Variants in ADAP2 observed in about 807,000 individuals in gnomAD.
ADAP2 encodes arf-GAP with dual PH domain-containing protein 2.
A neutral mutation model predicts 54.9 loss-of-function variants in ADAP2; 42 were observed. The ratio of observed to expected loss-of-function variants is 0.77; its 90% CI spans 0.60 to 0.99. The LOEUF is 0.99. Among genes scored for constraint, ADAP2 ranks in the 50% least tolerant of loss-of-function variants. The probability of loss-of-function intolerance (pLI) is 0.00; values close to 1 mark genes in which losing one functional copy is unlikely to be tolerated. For missense variants in ADAP2, 429 were observed against 480.4 expected (o/e 0.89, Z 1.00); for synonymous variants, 177 against 180.1 (o/e 0.98, Z 0.14).
intron 3 of ADAP2, among the ~76,000 whole-genome samples, chr17:30,931,272 TA>T (rs1815523632): frequency 6.6e-6 from 1 of 151,872 alleles, no homozygotes; most frequent in African/African-American, 2.4e-5. Context: ...CTGGGAGAAA[TA>T]TTTCCCCCAG....
In ADAP2 at chr17:30,957,844, C is replaced by T. The variant is rs1376619252; in HGVS notation, c.1121C>T (p.Thr374Ile). ...LTPLNRLTAS[T>I]ESGRSSR ...TTCATTTCCCTTGCAGCTGCATCAA[C>T]AGAGAGTGGCCGCAGCAGCAGGTGA... Residue 374 changes from threonine to isoleucine, a missense_variant, in exon 11 of 11, where the codon ACA becomes ATA. By Grantham distance (89) the Thr-to-Ile change is moderately conservative. Transcript: ENST00000330889. 6.8e-6 allele frequency: 11 copies of T among 1,613,606 alleles called. No individual in the cohort carries two copies. Among genetic ancestry groups the T allele is most frequent in the East Asian group, 2.2e-5 (1 of 44,886 alleles).
intron 7 of ADAP2, among the ~76,000 whole-genome samples, chr17:30,952,203 G>A (rs2142586555): frequency 6.6e-6 from 1 of 152,284 alleles, no homozygotes; most frequent in Non-Finnish European, 1.5e-5. Context: ...GGATGCTGGG[G>A]ATCACATGAT....
Position 30,958,609 on chromosome 17 carries a change from C to T in ADAP2, c.*740C>T, listed in dbSNP as rs1388372505. ...TCTCTTAAGAGACTCTCTGATTCTCCGTGGCTGGGTGTGATGGCTCATGCC... is the reference window on the plus strand; with the variant it reads ...TCTCTTAAGAGACTCTCTGATTCTCTGTGGCTGGGTGTGATGGCTCATGCC... On this transcript the variant is annotated 3_prime_UTR_variant, in exon 11 of 11. Coordinates refer to ENST00000330889, the MANE Select transcript of ADAP2 (RefSeq NM_018404.3). 2.0e-5 allele frequency: 3 copies of T among 152,154 alleles called. No individual in the cohort carries two copies. The highest frequency in any genetic ancestry group is 4.8e-5 in the African/African-American group (2 of 41,428). The allele number at this position is 152,154 out of a possible 1,614,324, so 9.4% of individuals were successfully genotyped here.
chr17:30,935,968 A>G (rs531697716), intron 5 of ADAP2, among the ~76,000 whole-genome samples: 2 of 152,288 alleles, frequency 1.3e-5, no homozygotes, highest in Non-Finnish European at 2.9e-5. Flanking sequence ...TATGCAGTCA[A>G]TTGGCTTTTA....
At chr17:30,923,156 G>GA in intron 2 of ADAP2, 86 bp downstream of exon 2, 9 of 1,499,176 alleles carry the variant, frequency 6.0e-6, no homozygotes, top group Non-Finnish European at 8.3e-6. Flanking sequence ...TACAGAGGGG[G>GA]AAACTGAGAA....
intron 7 of ADAP2, among the ~76,000 whole-genome samples, chr17:30,949,766 A>G (rs796784305): frequency 6.6e-6 from 1 of 151,410 alleles, no homozygotes; most frequent in African/African-American, 2.4e-5. Context: ...AAAAAAAAAA[A>G]AAAGAAGAAG....
intron 2 of ADAP2, among the ~76,000 whole-genome samples, chr17:30,925,065 C>T (rs536222148): frequency 2.2e-4 from 34 of 151,622 alleles, no homozygotes; most frequent in African/African-American, 8.2e-4. Context: ...AGAATTTTTA[C>T]TAGAGACAGG....
At chr17:30,955,936 G>A (rs1334217125) in intron 9 of ADAP2, among the ~76,000 whole-genome samples, 2 of 151,942 alleles carry the variant, frequency 1.3e-5, no homozygotes, top group Admixed American at 1.3e-4. Context: ...TTGTAGAGAA[G>A]GGGTCTCACT....
intron 5 of ADAP2, among the ~76,000 whole-genome samples, chr17:30,939,207 G>A (rs1338068120): frequency 6.6e-6 from 1 of 152,130 alleles, no homozygotes; most frequent in Non-Finnish European, 1.5e-5. Context: ...CAGCTGCTGC[G>A]AGTTGGTCTC....
In ADAP2 at chr17:30,922,124, C is replaced by T. The variant is rs918362180; in HGVS notation, c.94+16C>T. 1.6e-6 allele frequency: 2 copies of T among 1,231,268 alleles called. No individual in the cohort carries two copies. Among genetic ancestry groups the T allele is most frequent in the African/African-American group, 1.6e-5 (1 of 63,912 alleles). 76.3% of individuals were successfully genotyped at this position (1,231,268 alleles called of 1,614,324 possible). A position where few individuals can be genotyped will look rare whatever the true frequency, so the allele number is the denominator to read the frequency against. On this transcript the variant is annotated intron_variant, in intron 1 of 10. Transcript: ENST00000330889. ...GGGGCGGCAGGTAAGGGCGCGGCGG[C>T]GCGGGCAGCGCGAGACCCCCGGCCG...
At chr17:30,943,295 G>A (rs757158306) in intron 5 of ADAP2, among the ~76,000 whole-genome samples, 4 of 151,888 alleles carry the variant, frequency 2.6e-5, no homozygotes, top group African/African-American at 4.8e-5. Flanking sequence ...AACCCAGGAG[G>A]TGGAGGTTGC....
At chr17:30,952,189 G>C (rs559477470) in intron 7 of ADAP2, among the ~76,000 whole-genome samples, 4 of 152,158 alleles carry the variant, frequency 2.6e-5, no homozygotes, top group Non-Finnish European at 5.9e-5. Context: ...TGCCAGGCTG[G>C]AAGGGATGCT....
At chr17:30,926,544 T>C (rs1163797005) in intron 2 of ADAP2, among the ~76,000 whole-genome samples, 1 of 152,192 alleles carries the variant, frequency 6.6e-6, no homozygotes, top group African/African-American at 2.4e-5. Context: ...TGAGCCTCAG[T>C]TGACTCATCT....
intron 5 of ADAP2, among the ~76,000 whole-genome samples, chr17:30,939,771 C>CAA (rs1334968924): frequency 8.9e-5 from 5 of 55,908 alleles, no homozygotes; most frequent in Admixed American, 1.9e-4. Flanking sequence ...ATTCCATTTC[C>CAA]AAAAAAAAAA....
At chr17:30,935,495 C>A (rs777332211) in intron 5 of ADAP2, among the ~76,000 whole-genome samples, 2 of 152,102 alleles carry the variant, frequency 1.3e-5, no homozygotes, top group Non-Finnish European at 2.9e-5. Context: ...GAGCAGATAA[C>A]TGAACAAATG....
At chr17:30,956,784 C>A in intron 10 of ADAP2, 1 of 389,800 alleles carries the variant, frequency 2.6e-6, no homozygotes, top group Non-Finnish European at 4.8e-6. Context: ...TTCCCTCCAC[C>A]GTGCTCTATG....
intron 5 of ADAP2, 30 bp downstream of exon 5, chr17:30,934,327 C>T: frequency 6.7e-7 from 1 of 1,483,188 alleles, no homozygotes; most frequent in Non-Finnish European, 9.4e-7. Context: ...AGAGCAGGTC[C>T]CTTCCTGAGC....
chr17:30,956,342 C>A lies in ADAP2; in HGVS notation c.984C>A (p.Ala328=). The change falls in exon 10 of 11, where the codon GCC becomes GCA. Residue 328 remains alanine (A), a synonymous_variant. Coordinates refer to ENST00000330889, the MANE Select transcript of ADAP2 (RefSeq NM_018404.3). ...GCATCCGAGGAAATCGCTGGAAAGCCGGACTCACCATTGTCACCCCAGAGC... is the reference window on the plus strand; with the variant it reads ...GCATCCGAGGAAATCGCTGGAAAGCAGGACTCACCATTGTCACCCCAGAGC... ...PKGIRGNRWK[A]GLTIVTPERR... is the part of the protein sequence containing the mutation. 6.2e-7 allele frequency: 1 copy of A among 1,614,220 alleles called. No homozygotes were observed. Among genetic ancestry groups the A allele is most frequent in the Non-Finnish European group, 8.5e-7 (1 of 1,180,036 alleles).
intron 5 of ADAP2, among the ~76,000 whole-genome samples, chr17:30,942,815 T>C (rs1912369738): frequency 1.3e-5 from 2 of 152,166 alleles, no homozygotes; most frequent in African/African-American, 4.8e-5. Flanking sequence ...TCAACATCAC[T>C]AATCAGAGAA....
Sources: gnomAD v4.1 joint callset for allele counts (sites outside exome capture counted in the v4.1 genomes callset) on GRCh38, gnomAD v4.1.1 for gene constraint, MANE v1.5 for transcripts, NCBI Gene and HGNC (gene_info 2026-07-23, HGNC 2026-07-21) for gene names.